Variants in GPC5 observed in about 807,000 individuals in gnomAD.
The protein encoded by GPC5 is glypican-5.
GPC5 carries 47 observed loss-of-function variants against 53.9 expected under a neutral mutation model. The observed-to-expected ratio is 0.87, with a 90% CI of 0.69 to 1.11. The LOEUF (loss-of-function observed/expected upper bound fraction) is 1.11. GPC5 is among the 50% of genes most tolerant of loss of function. The pLI, the probability that GPC5 is intolerant of heterozygous loss-of-function variation, is 0.00. For synonymous variants in GPC5, 286 were observed against 263.3 expected, an observed-to-expected ratio of 1.09 and a Z score of -0.84; for missense variants, 748 against 713.1, an observed-to-expected ratio of 1.05 and a Z score of -0.56.
chr13:92,596,086 A>G (rs1478843606), intron 7 of GPC5, among the ~76,000 whole-genome samples: 1 of 152,170 alleles, frequency 6.6e-6, no homozygotes, highest in African/African-American at 2.4e-5. Context: ...AGTACCGTGA[A>G]TCACATAATT....
intron 6 of GPC5, among the ~76,000 whole-genome samples, chr13:92,088,493 A>G (rs1245041630): frequency 6.6e-6 from 1 of 152,168 alleles, no homozygotes; most frequent in Admixed American, 6.5e-5. Flanking sequence ...TTGGAATGAC[A>G]TGACTGAGTC....
At chr13:91,513,837 T>C (rs1008932819) in intron 2 of GPC5, among the ~76,000 whole-genome samples, 3 of 152,222 alleles carry the variant, frequency 2.0e-5, no homozygotes, top group Non-Finnish European at 4.4e-5. Context: ...GCTTTTTCCT[T>C]GTAATTCCTG....
chr13:92,496,832 T>A (rs1330689241), intron 7 of GPC5, among the ~76,000 whole-genome samples: 1 of 152,162 alleles, frequency 6.6e-6, no homozygotes, highest in Non-Finnish European at 1.5e-5. Context: ...GATATCCCTT[T>A]GTTACTGGCG....
intron 3 of GPC5, among the ~76,000 whole-genome samples, chr13:91,710,716 A>G (rs1374195653): frequency 6.6e-6 from 1 of 152,198 alleles, no homozygotes; most frequent in South Asian, 2.1e-4. Flanking sequence ...GGCTTCACTG[A>G]CAAACTAGAT....
chr13:92,323,457 T>G (rs990687145), intron 7 of GPC5, among the ~76,000 whole-genome samples: 2 of 151,430 alleles, frequency 1.3e-5, no homozygotes, highest in African/African-American at 4.8e-5. Flanking sequence ...TTGAACTGAT[T>G]AGATGAGGAA....
At chr13:92,338,727 G>C (rs1304876289) in intron 7 of GPC5, among the ~76,000 whole-genome samples, 1 of 152,098 alleles carries the variant, frequency 6.6e-6, no homozygotes, top group East Asian at 1.9e-4. Flanking sequence ...GTGGTTGCTA[G>C]AGGTTGGGGA....
chr13:91,606,632 C>T (rs1043216286), intron 2 of GPC5, among the ~76,000 whole-genome samples: 2 of 148,184 alleles, frequency 1.3e-5, no homozygotes, highest in African/African-American at 2.5e-5. Flanking sequence ...ACAATTTCAG[C>T]TCCTGTTATT....
At chr13:92,302,087 T>A (rs2043079420) in intron 7 of GPC5, among the ~76,000 whole-genome samples, 1 of 152,172 alleles carries the variant, frequency 6.6e-6, no homozygotes, top group Non-Finnish European at 1.5e-5. Flanking sequence ...GAGAAGTAGA[T>A]CTACCATGTA....
chr13:92,481,622 A>G (rs1353144141), intron 7 of GPC5, among the ~76,000 whole-genome samples: 1 of 152,194 alleles, frequency 6.6e-6, no homozygotes, highest in Non-Finnish European at 1.5e-5. Flanking sequence ...ATCAACCACA[A>G]ACCAAAAGAA....
At chr13:91,572,644 C>T (rs1030923877) in intron 2 of GPC5, among the ~76,000 whole-genome samples, 1 of 152,012 alleles carries the variant, frequency 6.6e-6, no homozygotes, top group Non-Finnish European at 1.5e-5. Context: ...AGGGAGGGCA[C>T]CAAGCTATTC....
intron 2 of GPC5, among the ~76,000 whole-genome samples, chr13:91,581,376 T>C (rs952665176): frequency 1.7e-4 from 26 of 152,210 alleles, no homozygotes; most frequent in African/African-American, 6.3e-4. Context: ...GGATTTGTAC[T>C]GTGGATTCTA....
intron 5 of GPC5, among the ~76,000 whole-genome samples, chr13:91,831,703 A>G (rs990147934): frequency 6.6e-6 from 1 of 151,958 alleles, no homozygotes; most frequent in African/African-American, 2.4e-5. Flanking sequence ...ACCTTCTTAG[A>G]AAACTAAAAA....
chr13:91,965,793 G>T (rs981408584), intron 6 of GPC5, among the ~76,000 whole-genome samples: 1 of 151,862 alleles, frequency 6.6e-6, no homozygotes, highest in Non-Finnish European at 1.5e-5. Flanking sequence ...CCATTGTGTG[G>T]GATTTTCACA....
intron 6 of GPC5, among the ~76,000 whole-genome samples, chr13:92,129,375 A>C (rs2041725304): frequency 6.6e-6 from 1 of 152,226 alleles, no homozygotes; most frequent in Non-Finnish European, 1.5e-5. Context: ...CTATCTTCTC[A>C]TTAGAGAAAA....
At chr13:92,103,458 T>A (rs1348940884) in intron 6 of GPC5, among the ~76,000 whole-genome samples, 3 of 152,222 alleles carry the variant, frequency 2.0e-5, no homozygotes, top group Non-Finnish European at 2.9e-5. Flanking sequence ...CAAACATACT[T>A]AAATTGTGGC....
chr13:92,684,021 G>A lies in GPC5; in HGVS notation c.1562-182261G>A, dbSNP rs114681366. Among the ~76,000 whole-genome samples the A allele has an allele frequency of 3.6e-3, 543 of 152,154 alleles. 2 individuals are homozygous for A. The highest frequency in any genetic ancestry group is 0.012 in the African/African-American group (480 of 41,534). ...GTACCCATCATGACAATATTACACA[G>A]AATAATAGTTTAACTGCCCTAAAAA... On this transcript the variant is annotated intron_variant, in intron 7 of 7. Coordinates refer to ENST00000377067, the MANE Select transcript of GPC5 (RefSeq NM_004466.6).
intron 7 of GPC5, among the ~76,000 whole-genome samples, chr13:92,829,617 T>A (rs1357917356): frequency 2.6e-5 from 4 of 152,276 alleles, no homozygotes; most frequent in Admixed American, 2.6e-4. Context: ...TCCCACAGTA[T>A]TTTTATCCAT....
intron 2 of GPC5, among the ~76,000 whole-genome samples, chr13:91,466,881 T>G (rs138378079): frequency 6.6e-6 from 1 of 150,512 alleles, no homozygotes; most frequent in Non-Finnish European, 1.5e-5. Context: ...GGTATACTAC[T>G]ATGGAGAGCA....
intron 1 of GPC5, among the ~76,000 whole-genome samples, chr13:91,441,346 T>A (rs1332281846): frequency 6.6e-6 from 1 of 152,194 alleles, no homozygotes; most frequent in Non-Finnish European, 1.5e-5. Context: ...ATAAAGTTCC[T>A]TTGAATTGTG....
Sources: gnomAD v4.1 joint callset for allele counts (sites outside exome capture counted in the v4.1 genomes callset) on GRCh38, gnomAD v4.1.1 for gene constraint, MANE v1.5 for transcripts, NCBI Gene and HGNC (gene_info 2026-07-23, HGNC 2026-07-21) for gene names.